Variants in EYS observed in about 807,000 individuals in gnomAD.
EYS encodes the protein EGF-like photoreceptor maintenance factor, also known as protein eyes shut homolog.
In EYS, 250 loss-of-function variants were observed where a neutral mutation model predicts 282.1. The observed-to-expected ratio is 0.89, with a 90% CI of 0.80 to 0.98. The LOEUF (loss-of-function observed/expected upper bound fraction) is 0.98. EYS is among the 50% of genes least tolerant of loss of function. The pLI, the probability that EYS is intolerant of heterozygous loss-of-function variation, is 0.00. For synonymous variants in EYS, 1,355 were observed against 1,282.9 expected, an observed-to-expected ratio of 1.06 and a Z score of -1.20; for missense variants, 4,016 against 3,709.0, an observed-to-expected ratio of 1.08 and a Z score of -2.15.
In EYS at chr6:64,361,673, A is replaced by G. The variant is rs189561911; in HGVS notation, c.6078+27017T>C. On this transcript the variant is annotated intron_variant, in intron 29 of 42. Transcript: ENST00000503581. ...TTGAGGAAAATATGATCACAAAAGT[A>G]TTCCTTTAACAATTGCATTTTTTTT... 1.3e-3 allele frequency among the ~76,000 whole-genome samples: 194 copies of G among 151,892 alleles called. 1 individual carries two copies. Among genetic ancestry groups the G allele is most frequent in the Non-Finnish European group, 2.5e-3 (169 of 67,804 alleles).
intron 41 of EYS, among the ~76,000 whole-genome samples, chr6:63,741,151 A>G (rs1238735163): frequency 6.6e-6 from 1 of 152,174 alleles, no homozygotes; most frequent in African/African-American, 2.4e-5. Context: ...TAGTTTTCTG[A>G]GAGGAATAAT....
intron 31 of EYS, among the ~76,000 whole-genome samples, chr6:64,142,081 T>C (rs1366317150): frequency 6.6e-6 from 1 of 151,928 alleles, no homozygotes; most frequent in Non-Finnish European, 1.5e-5. Context: ...GGACAATAAG[T>C]GGTGAATGCC....
intron 35 of EYS, among the ~76,000 whole-genome samples, chr6:63,978,963 G>A (rs1766967649): frequency 6.6e-6 from 1 of 151,904 alleles, no homozygotes; most frequent in East Asian, 1.9e-4. Context: ...TTCACATGGG[G>A]TACTGAGAAT....
At chr6:64,073,991 CT>C (rs1448943113) in intron 32 of EYS, among the ~76,000 whole-genome samples, 2 of 151,710 alleles carry the variant, frequency 1.3e-5, no homozygotes, top group African/African-American at 4.8e-5. Flanking sequence ...CTATCCTTTT[CT>C]TGAAATATTA....
intron 19 of EYS, among the ~76,000 whole-genome samples, chr6:64,881,364 G>A (rs75149986): frequency 0.017 from 2,582 of 151,908 alleles, 79 homozygotes; most frequent in African/African-American, 0.059. Context: ...ACTGTGCCAA[G>A]TCTAAATGTC....
intron 11 of EYS, among the ~76,000 whole-genome samples, chr6:65,301,428 C>T (rs1768821561): frequency 6.6e-6 from 1 of 152,214 alleles, no homozygotes; most frequent in Non-Finnish European, 1.5e-5. Context: ...TTTTACCGGC[C>T]GGGCCTTAGA....
chr6:65,247,110 T>C (rs983309718), intron 12 of EYS, among the ~76,000 whole-genome samples: 2 of 152,084 alleles, frequency 1.3e-5, no homozygotes, highest in African/African-American at 2.4e-5. Context: ...TTGTTTTAAC[T>C]AAGGCCTGAG....
intron 35 of EYS, among the ~76,000 whole-genome samples, chr6:63,962,487 C>T (rs1766113311): frequency 6.6e-6 from 1 of 152,160 alleles, no homozygotes; most frequent in African/African-American, 2.4e-5. Flanking sequence ...GAAATTTATG[C>T]AGCCAAAAAA....
chr6:64,923,187 G>A (rs1768405992), intron 15 of EYS, among the ~76,000 whole-genome samples: 1 of 152,068 alleles, frequency 6.6e-6, no homozygotes, highest in Admixed American at 6.5e-5. Context: ...AGCTCCACAT[G>A]GCTAAAGAGG....
intron 5 of EYS, among the ~76,000 whole-genome samples, chr6:65,474,520 T>C (rs1276302156): frequency 6.6e-6 from 1 of 152,078 alleles, no homozygotes; most frequent in African/African-American, 2.4e-5. Flanking sequence ...ATTGTCTCTA[T>C]TGAAGCTTAT....
intron 11 of EYS, among the ~76,000 whole-genome samples, chr6:65,314,096 C>G (rs1388747167): frequency 6.6e-6 from 1 of 150,402 alleles, no homozygotes; most frequent in East Asian, 1.9e-4. Context: ...GATTGCTCTT[C>G]CTTCAGGTGT....
chr6:64,950,801 A>ATATG (rs1769468298), intron 14 of EYS, among the ~76,000 whole-genome samples: 4 of 74,632 alleles, frequency 5.4e-5, no homozygotes, highest in African/African-American at 2.2e-4. Flanking sequence ...ACATATACAT[A>ATATG]TATATATATA....
At chr6:63,827,635 G>A (rs1771506808) in intron 36 of EYS, among the ~76,000 whole-genome samples, 1 of 152,048 alleles carries the variant, frequency 6.6e-6, no homozygotes, top group South Asian at 2.1e-4. Context: ...ATGAGGTCAG[G>A]AGATCTAGAC....
chr6:65,676,248 G>T (rs1400328550), intron 1 of EYS, among the ~76,000 whole-genome samples: 1 of 151,456 alleles, frequency 6.6e-6, no homozygotes. Flanking sequence ...GAAACAAATA[G>T]AAAATAGAAA....
intron 35 of EYS, among the ~76,000 whole-genome samples, chr6:63,905,572 C>A (rs1000051884): frequency 6.6e-6 from 1 of 152,064 alleles, no homozygotes; most frequent in Non-Finnish European, 1.5e-5. Context: ...CCTCGTGATC[C>A]ACCCGCCTCT....
intron 12 of EYS, among the ~76,000 whole-genome samples, chr6:65,087,837 C>G (rs1032169349): frequency 5.9e-4 from 90 of 152,168 alleles, no homozygotes; most frequent in African/African-American, 2.2e-3. Context: ...GACTCTGTGT[C>G]CCCACACAAA....
rs1418505127 is a variant in EYS at position 63,812,605 on chromosome 6, A to G, written c.7229-6233T>C. ...CATGGTCTAATTGGGCATAAGATAC[A>G]TATTTATCAAATGGTTGAATACATG... On this transcript the variant is annotated intron_variant, in intron 36 of 42. Coordinates refer to ENST00000503581, the MANE Select transcript of EYS (RefSeq NM_001142800.2). 2.6e-5 allele frequency among the ~76,000 whole-genome samples: 4 copies of G among 152,154 alleles called. No individual in the cohort carries two copies. The East Asian group carries it at 7.7e-4, about 29-fold the overall frequency.
At chr6:65,683,356 C>A (rs913800774) in intron 1 of EYS, among the ~76,000 whole-genome samples, 1 of 147,692 alleles carries the variant, frequency 6.8e-6, no homozygotes, top group East Asian at 2.0e-4. Flanking sequence ...TAGGTTACTC[C>A]AGCAATGAAA....
chr6:65,026,732 A>G (rs1772420675), intron 13 of EYS, among the ~76,000 whole-genome samples: 2 of 152,126 alleles, frequency 1.3e-5, no homozygotes, highest in Non-Finnish European at 2.9e-5. Context: ...CCTGGCTAAC[A>G]CAGTGAAACC....
Sources: gnomAD v4.1 joint callset for allele counts (sites outside exome capture counted in the v4.1 genomes callset) on GRCh38, gnomAD v4.1.1 for gene constraint, MANE v1.5 for transcripts, NCBI Gene and HGNC (gene_info 2026-07-23, HGNC 2026-07-21) for gene names.